Variants in PRKAR2B observed in about 807,000 individuals in gnomAD.
The protein encoded by PRKAR2B is protein kinase cAMP-dependent type II regulatory subunit beta.
In PRKAR2B, 14 loss-of-function variants were observed where a neutral mutation model predicts 49.9. That is an observed-to-expected ratio of 0.28 (90% CI 0.19 to 0.44). The LOEUF (loss-of-function observed/expected upper bound fraction) is 0.44, where lower values mean the gene tolerates loss of function less well. Among genes scored for constraint, PRKAR2B ranks in the 20% least tolerant of loss-of-function variants. The probability of loss-of-function intolerance (pLI) is 1.00; values close to 1 mark genes in which losing one functional copy is unlikely to be tolerated. For missense variants in PRKAR2B, 393 were observed against 537.9 expected, an observed-to-expected ratio of 0.73 and a Z score of 2.67; for synonymous variants, 196 against 197.7, an observed-to-expected ratio of 0.99 and a Z score of 0.07.
chr7:107,045,353 C>G (rs1386852859), intron 1 of PRKAR2B, 139 bp downstream of exon 1: 1 of 714,504 alleles, frequency 1.4e-6, no homozygotes, highest in Non-Finnish European at 2.2e-6. Context: ...TCCCATCTCG[C>G]CCACCCCCTC....
intron 1 of PRKAR2B, 60 bp downstream of exon 1, chr7:107,045,274 C>T: frequency 3.7e-6 from 5 of 1,348,986 alleles, no homozygotes; most frequent in Non-Finnish European, 4.9e-6. Context: ...CCACCGCTCC[C>T]CGCTGTGCTC....
chr7:107,128,157 T>G, intron 3 of PRKAR2B, 55 bp from the exon 4 acceptor site: 1 of 1,127,900 alleles, frequency 8.9e-7, no homozygotes, highest in Non-Finnish European at 1.3e-6. Context: ...AAAATCTCTT[T>G]GAGTGAGATG....
At chr7:107,116,712 T>C (rs911391758) in intron 2 of PRKAR2B, among the ~76,000 whole-genome samples, 1 of 151,996 alleles carries the variant, frequency 6.6e-6, no homozygotes, top group Non-Finnish European at 1.5e-5. Flanking sequence ...GTTCTTCCAA[T>C]GCCTTTGCTC....
chr7:107,126,581 G>A (rs933588584), intron 3 of PRKAR2B, among the ~76,000 whole-genome samples: 9 of 152,094 alleles, frequency 5.9e-5, no homozygotes, highest in African/African-American at 2.2e-4. Flanking sequence ...GCACGATACT[G>A]ATGCCTGATG....
chr7:107,106,930 T>C (rs1795083915), intron 2 of PRKAR2B, among the ~76,000 whole-genome samples: 1 of 152,122 alleles, frequency 6.6e-6, no homozygotes, highest in South Asian at 2.1e-4. Context: ...CAGTTGTCCC[T>C]TAAGTCAAGA....
intron 8 of PRKAR2B, among the ~76,000 whole-genome samples, chr7:107,153,497 A>G (rs1043555730): frequency 5.9e-5 from 9 of 152,210 alleles, no homozygotes; most frequent in African/African-American, 1.9e-4. Flanking sequence ...TTTCTGCATC[A>G]TTGTAGTCAT....
At chr7:107,082,693 G>A (rs892150461) in intron 2 of PRKAR2B, among the ~76,000 whole-genome samples, 2 of 151,930 alleles carry the variant, frequency 1.3e-5, no homozygotes, top group African/African-American at 4.8e-5. Context: ...TCCCAGGCTC[G>A]AGTGATCCTC....
chr7:107,053,723 T>C (rs1369945959), intron 1 of PRKAR2B, among the ~76,000 whole-genome samples: 8 of 152,330 alleles, frequency 5.3e-5, no homozygotes, highest in Non-Finnish European at 4.4e-5. Flanking sequence ...TTCCTGTATA[T>C]ACCTTGAATT....
At position 107,108,892 on chromosome 7, in the gene PRKAR2B, A is replaced by G. The variant is rs145875677; in HGVS notation, c.344-13060A>G. Among the ~76,000 whole-genome samples, 14 of 152,330 alleles carry G rather than the reference A, an allele frequency of 9.2e-5. No individual in the cohort carries two copies. The East Asian group carries it at 2.5e-3, about 27-fold the overall frequency. ...GAGAGTTCTTGGCTTTGCTCAGGAA[A>G]CAATTCAAGAAAAGCAAGTTCTTAC... On this transcript the variant is annotated intron_variant, in intron 2 of 10. Transcript: ENST00000265717.
At chr7:107,077,241 T>C (rs1375159696) in intron 2 of PRKAR2B, 1 of 152,228 alleles carries the variant, frequency 6.6e-6, no homozygotes, top group Non-Finnish European at 1.5e-5. Context: ...TATACTAGTT[T>C]ATTCAGCAAA....
intron 3 of PRKAR2B, 119 bp downstream of exon 3, chr7:107,122,123 T>C: frequency 5.3e-6 from 3 of 568,536 alleles, no homozygotes; most frequent in Non-Finnish European, 2.9e-6. Flanking sequence ...TGGAATTATT[T>C]TGACTGTTTC....
At chr7:107,047,163 C>G (rs982265329) in intron 1 of PRKAR2B, among the ~76,000 whole-genome samples, 1 of 152,196 alleles carries the variant, frequency 6.6e-6, no homozygotes, top group African/African-American at 2.4e-5. Context: ...TTTTTGACTG[C>G]AACCAAATAC....
At chr7:107,087,407 T>C (rs71566710) in intron 2 of PRKAR2B, among the ~76,000 whole-genome samples, 1 of 152,204 alleles carries the variant, frequency 6.6e-6, no homozygotes, top group South Asian at 2.1e-4. Context: ...AACCTGGAAT[T>C]CCAGTAAGAA....
chr7:107,118,209 A>G (rs1050559470), intron 2 of PRKAR2B, among the ~76,000 whole-genome samples: 9 of 152,196 alleles, frequency 5.9e-5, no homozygotes, highest in African/African-American at 1.9e-4. Flanking sequence ...TCTTTGTGCC[A>G]GGAATTTTGG....
intron 4 of PRKAR2B, among the ~76,000 whole-genome samples, chr7:107,131,416 G>A (rs1428751840): frequency 6.6e-6 from 1 of 152,172 alleles, no homozygotes; most frequent in Non-Finnish European, 1.5e-5. Flanking sequence ...TGCTAATACA[G>A]TCTGGCAAGG....
intron 2 of PRKAR2B, among the ~76,000 whole-genome samples, chr7:107,119,858 C>T (rs1384335709): frequency 6.6e-6 from 1 of 152,152 alleles, no homozygotes. Flanking sequence ...TTAATGTGAG[C>T]CTGCTTCTGC....
At chr7:107,070,075 A>G (rs1794233160) in intron 1 of PRKAR2B, 1 of 410,426 alleles carries the variant, frequency 2.4e-6, no homozygotes, top group African/African-American at 2.1e-5. Context: ...TGCTAATTTA[A>G]TAGGTAAAAT....
chr7:107,140,886 T>C lies in PRKAR2B; in HGVS notation c.520T>C (p.Leu174=). The change falls in exon 5 of 11, where the codon TTG becomes CTG. Residue 174 remains leucine, a synonymous_variant. Transcript: ENST00000265717. ...SQVLDAMFEK[L]VKDGEHVIDQ... Reference sequence around the variant, plus strand: ...AGTATTAGATGCCATGTTTGAAAAATTGGTCAAAGATGGGGAGCATGTAAT... The same window carrying C: ...AGTATTAGATGCCATGTTTGAAAAACTGGTCAAAGATGGGGAGCATGTAAT... 6.2e-7 allele frequency: 1 copy of C among 1,612,510 alleles called. No homozygotes were observed. The highest frequency in any genetic ancestry group is 8.5e-7 in the Non-Finnish European group (1 of 1,179,140).
chr7:107,081,423 A>T (rs146382735), intron 2 of PRKAR2B, among the ~76,000 whole-genome samples: 1,217 of 120,356 alleles, frequency 0.01, 17 homozygotes, highest in African/African-American at 0.037. Context: ...CCCCATCAGC[A>T]TCTTGACCCA....
Sources: allele counts gnomAD v4.1 joint callset (sites outside exome capture counted in the v4.1 genomes callset), GRCh38; gene constraint gnomAD v4.1.1; transcripts MANE v1.5; gene names NCBI Gene and HGNC (gene_info 2026-07-23, HGNC 2026-07-21).